Variants in KCNMB2 observed in about 807,000 individuals in gnomAD.
The protein encoded by KCNMB2 is potassium calcium-activated channel subfamily M regulatory beta subunit 2, also known as calcium-activated potassium channel subunit beta-2.
In KCNMB2, 9 loss-of-function variants were observed where a neutral mutation model predicts 24.5. The observed-to-expected ratio is 0.37, with a 90% CI of 0.22 to 0.64. The LOEUF is 0.64. Ranked by LOEUF, KCNMB2 falls within the 30% of genes least tolerant of loss-of-function variation. KCNMB2 has a pLI of 0.63. For missense variants in KCNMB2, 226 were observed against 284.3 expected (o/e 0.79, Z 1.47); for synonymous variants, 109 against 104.4 (o/e 1.04, Z -0.27).
At chr3:178,645,272 A>G (rs1719881931) in intron 1 of KCNMB2, among the ~76,000 whole-genome samples, 1 of 151,668 alleles carries the variant, frequency 6.6e-6, no homozygotes, top group Non-Finnish European at 1.5e-5. Context: ...TTGGTCTCGA[A>G]CTCCCAACCT....
chr3:178,800,634 A>G (rs1223272586), intron 1 of KCNMB2, among the ~76,000 whole-genome samples: 1 of 152,054 alleles, frequency 6.6e-6, no homozygotes, highest in Admixed American at 6.6e-5. Flanking sequence ...CCTCAAAAAA[A>G]TATAAATAGA....
intron 2 of KCNMB2, among the ~76,000 whole-genome samples, chr3:178,814,434 G>T (rs997133081): frequency 6.6e-6 from 1 of 152,132 alleles, no homozygotes; most frequent in African/African-American, 2.4e-5. Flanking sequence ...ACATATGAGT[G>T]CAGATATTCT....
intron 1 of KCNMB2, among the ~76,000 whole-genome samples, chr3:178,550,178 C>CCACT (rs1715901427): frequency 1.3e-5 from 2 of 151,916 alleles, no homozygotes; most frequent in African/African-American, 4.8e-5. Context: ...CGGCCAGGCA[C>CCACT]AGTGGCTCAC....
intron 2 of KCNMB2, among the ~76,000 whole-genome samples, chr3:178,818,747 T>C (rs1438844098): frequency 6.6e-6 from 1 of 152,220 alleles, no homozygotes; most frequent in East Asian, 1.9e-4. Context: ...CTAAAGCACA[T>C]ATCTAATCAT....
chr3:178,713,933 T>G (rs138016139), intron 1 of KCNMB2, among the ~76,000 whole-genome samples: 333 of 152,324 alleles, frequency 2.2e-3, no homozygotes, highest in African/African-American at 7.7e-3. Flanking sequence ...AAAGCATTTG[T>G]GTTGTCTTAC....
intron 2 of KCNMB2, among the ~76,000 whole-genome samples, chr3:178,822,930 G>C (rs6789905): frequency 0.26 from 39,869 of 152,098 alleles, 7,045 homozygotes; most frequent in African/African-American, 0.51. Context: ...CCTCCTTGCT[G>C]TCTTCTATCT....
intron 1 of KCNMB2, among the ~76,000 whole-genome samples, chr3:178,727,723 T>C (rs570866388): frequency 7.9e-5 from 12 of 152,262 alleles, no homozygotes; most frequent in Admixed American, 1.3e-4. Flanking sequence ...TTAGAGCCTC[T>C]AGGAAGGAAT....
In KCNMB2 at chr3:178,724,700, C is replaced by T. The variant is rs1464865700; in HGVS notation, c.-67-82643C>T. Reference sequence around the variant, plus strand: ...TTTGCATATGGTGAGAGGTAGGGGTCCAGTTTCTCTCTTCTGCATATGGTT... The same window carrying T: ...TTTGCATATGGTGAGAGGTAGGGGTTCAGTTTCTCTCTTCTGCATATGGTT... On this transcript the variant is annotated intron_variant, in intron 1 of 4. Transcript: ENST00000452583. Among the ~76,000 whole-genome samples the T allele has an allele frequency of 3.9e-5, 6 of 152,126 alleles. No homozygotes were observed. In the South Asian group the frequency reaches 1.0e-3, roughly 26 times the overall value.
chr3:178,776,652 C>G (rs906693026), intron 1 of KCNMB2, among the ~76,000 whole-genome samples: 1 of 152,198 alleles, frequency 6.6e-6, no homozygotes, highest in African/African-American at 2.4e-5. Flanking sequence ...GAATCTGACT[C>G]TTCACTCACA....
intron 1 of KCNMB2, among the ~76,000 whole-genome samples, chr3:178,567,876 T>C (rs1315702279): frequency 6.6e-6 from 1 of 152,168 alleles, no homozygotes; most frequent in African/African-American, 2.4e-5. Context: ...ACCATGATTC[T>C]CAGTTTACTG....
At chr3:178,651,460 G>C (rs1003456813) in intron 1 of KCNMB2, among the ~76,000 whole-genome samples, 1 of 152,192 alleles carries the variant, frequency 6.6e-6, no homozygotes, top group Admixed American at 6.5e-5. Flanking sequence ...TTCATGGATA[G>C]GAAGAATCAA....
chr3:178,545,717 G>A (rs1715750854), intron 1 of KCNMB2, among the ~76,000 whole-genome samples: 1 of 152,216 alleles, frequency 6.6e-6, no homozygotes, highest in Non-Finnish European at 1.5e-5. Context: ...AACTCCTACA[G>A]AGGGATTCTA....
At chr3:178,654,683 GGTTTTT>G (rs1444905755) in intron 1 of KCNMB2, among the ~76,000 whole-genome samples, 2 of 152,078 alleles carry the variant, frequency 1.3e-5, no homozygotes, top group African/African-American at 4.8e-5. Context: ...GTTTGCTTTT[GGTTTTT>G]GTTTTTTAAG....
intron 1 of KCNMB2, among the ~76,000 whole-genome samples, chr3:178,561,266 A>C (rs951245059): frequency 1.3e-5 from 2 of 152,264 alleles, no homozygotes; most frequent in Non-Finnish European, 2.9e-5. Context: ...CTACAGCAAC[A>C]GTTTAACAGG....
Position 178,825,642 on chromosome 3 carries a change from C to T in KCNMB2, c.111C>T (p.Val37=), listed in dbSNP as rs753305508. The stretch of plus-strand genomic sequence containing the variant: ...ACCTCCTGGACAAAAGGAAAACAGT[C>T]ACAGCACTGAAGGCAGGAGAGGACC... ...DHDLLDKRKT[V]TALKAGEDRA... is the part of the protein sequence containing the mutation. Residue 37 remains valine, a synonymous_variant, in exon 3 of 5, where the codon GTC becomes GTT. Transcript: ENST00000452583. 3.1e-6 allele frequency: 5 copies of T among 1,613,954 alleles called. No homozygotes were observed. In the African/African-American group the frequency reaches 6.7e-5, roughly 22 times the overall value.
Position 178,613,410 on chromosome 3 carries a change from CTTACTA to C in KCNMB2, c.-68+76704_-68+76709del, listed in dbSNP as rs113030443. Among the ~76,000 whole-genome samples, 773 of 152,328 alleles carry C rather than the reference CTTACTA, an allele frequency of 5.1e-3. 6 individuals are homozygous for C. Among genetic ancestry groups the C allele is most frequent in the African/African-American group, 0.018 (739 of 41,570 alleles). ...TTAATATTCTGTGTTTTTCTCTGCA[CTTACTA>C]TTACCAGTAAGGTTTGTACCTTCAG... On this transcript the variant is annotated intron_variant, in intron 1 of 4. Coordinates refer to ENST00000452583, the MANE Select transcript of KCNMB2 (RefSeq NM_181361.3).
At chr3:178,812,240 T>A (rs1714221307) in intron 2 of KCNMB2, among the ~76,000 whole-genome samples, 1 of 152,124 alleles carries the variant, frequency 6.6e-6, no homozygotes. Flanking sequence ...TGTTCTTAAT[T>A]TTTTTATTAT....
intron 1 of KCNMB2, among the ~76,000 whole-genome samples, chr3:178,760,142 C>A (rs1350067523): frequency 7.5e-4 from 10 of 13,320 alleles, no homozygotes; most frequent in South Asian, 1.8e-3. Context: ...ATATATATAT[C>A]CAAGAGGATA....
chr3:178,585,797 T>G (rs962247606), intron 1 of KCNMB2, among the ~76,000 whole-genome samples: 7 of 152,204 alleles, frequency 4.6e-5, no homozygotes, highest in South Asian at 2.1e-4. Context: ...ACTTACAACA[T>G]GTATAAACTG....
Sources: gnomAD v4.1 joint callset for allele counts (sites outside exome capture counted in the v4.1 genomes callset) on GRCh38, gnomAD v4.1.1 for gene constraint, MANE v1.5 for transcripts, NCBI Gene and HGNC (gene_info 2026-07-23, HGNC 2026-07-21) for gene names.